ITGA7: variants seen among roughly 807,000 people sequenced by gnomAD.
ITGA7 encodes the protein integrin subunit alpha 7.
In ITGA7, 84 loss-of-function variants were observed where a neutral mutation model predicts 131.6. That is an observed-to-expected ratio of 0.64 (90% CI 0.54 to 0.77). The LOEUF is 0.77. Ranked by LOEUF, ITGA7 falls within the 30% of genes least tolerant of loss-of-function variation. ITGA7 has a pLI of 0.00. For missense variants in ITGA7, 1,399 were observed against 1,482.9 expected, an observed-to-expected ratio of 0.94 and a Z score of 0.93; for synonymous variants, 548 against 600.7, an observed-to-expected ratio of 0.91 and a Z score of 1.28.
rs555258244 is a variant in ITGA7, at chr12:55,701,333, G to A, written c.415-179C>T. The A allele has an allele frequency of 2.4e-5, 37 of 1,559,106 alleles. No homozygotes were observed. In the South Asian group the frequency reaches 4.0e-4, roughly 17 times the overall value. On this transcript the variant is annotated intron_variant, in intron 3 of 24. Coordinates refer to ENST00000257879, the MANE Select transcript of ITGA7 (RefSeq NM_002206.3). Reference sequence around the variant, plus strand: ...CCACTCAAGCACCATTACCCTGCCAGTGTTACACAGGTCCATGCATAACCC... The same window carrying A: ...CCACTCAAGCACCATTACCCTGCCAATGTTACACAGGTCCATGCATAACCC...
In ITGA7 at chr12:55,694,224, C is replaced by T; in HGVS notation, c.2432+32G>A. The T allele has an allele frequency of 6.2e-7, 1 of 1,613,620 alleles. No individual in the cohort carries two copies. The highest frequency in any genetic ancestry group is 8.5e-7 in the Non-Finnish European group (1 of 1,179,568). On this transcript the variant is annotated intron_variant, in intron 18 of 24. Transcript: ENST00000257879. The surrounding 1 kb of genome is among the most constrained non-coding windows in gnomAD (Gnocchi z 5.3). ...TTGGAAATGTCAATGCCCCCTCCCT[C>T]CAATGGAGGTGCCCCCTTGGGCCAG...
intron 20 of ITGA7, 21 bp downstream of exon 20, chr12:55,693,120 C>T: frequency 1.2e-6 from 2 of 1,612,988 alleles, no homozygotes; most frequent in Non-Finnish European, 1.7e-6. Flanking sequence ...CATCTAACCC[C>T]CACCCCCACC....
chr12:55,684,898 G>A lies in ITGA7; in HGVS notation c.*160C>T. 1 of 624,978 alleles carries A rather than the reference G, an allele frequency of 1.6e-6. No individual in the cohort carries two copies. The highest frequency in any genetic ancestry group is 2.8e-6 in the Non-Finnish European group (1 of 360,552). The allele number at this position is 624,978 out of a possible 1,614,324, so 38.7% of individuals were successfully genotyped here. A position where few individuals can be genotyped will look rare whatever the true frequency, so the allele number is the denominator to read the frequency against. ...AGCACTCTAAGGGGAAGTTGGGTGG[G>A]AGGAGTTCTTGTGGGTGGGAGAGGT... On this transcript the variant is annotated 3_prime_UTR_variant, in exon 25 of 25. Transcript: ENST00000257879.
In ITGA7 at chr12:55,693,175, C is replaced by T. The variant is rs1264251396; in HGVS notation, c.2678G>A (p.Gly893Glu). ...GATGTTGGGCCTGGGAGAGCAAAGC[C>T]CTTTCTGCCCAGGCCCCTGCCCGCC... The part of the protein sequence containing the change: ...LEGGQGPGQK[G>E]LCSPRPNILH... Residue 893 changes from glycine (G) to glutamate (E), a missense_variant, in exon 20 of 25, where the codon GGG (glycine) becomes GAG (glutamate). Gly to Glu is a moderately conservative substitution (Grantham distance 98, BLOSUM62 -2). Transcript: ENST00000257879. 2.5e-6 allele frequency: 4 copies of T among 1,614,038 alleles called. No individual in the cohort carries two copies. The highest frequency in any genetic ancestry group is 3.4e-6 in the Non-Finnish European group (4 of 1,180,010).
intron 1 of ITGA7, among the ~76,000 whole-genome samples, chr12:55,703,782 T>C (rs1272521483): frequency 1.3e-5 from 2 of 152,192 alleles, no homozygotes; most frequent in East Asian, 3.9e-4. Flanking sequence ...TCAGTCACTC[T>C]GGCTGGCATG....
intron 24 of ITGA7, chr12:55,686,398 T>C (rs1246489069): frequency 1.2e-6 from 1 of 801,770 alleles, no homozygotes; most frequent in East Asian, 6.4e-5. Context: ...CTCTGCTCTG[T>C]CTTCCTTCCA....
chr12:55,695,038 G>GCTC, intron 14 of ITGA7, 68 bp from the exon 15 acceptor site: 1 of 1,479,976 alleles, frequency 6.8e-7, no homozygotes, highest in East Asian at 2.4e-5. Flanking sequence ...CGCCCAGTCT[G>GCTC]CTCCCCCAGT....
chr12:55,687,860 T>C (rs1382550405), intron 24 of ITGA7, 111 bp downstream of exon 24: 8 of 1,407,670 alleles, frequency 5.7e-6, no homozygotes, highest in African/African-American at 1.4e-5. Context: ...AAGTGTTCAG[T>C]GCAGATTTGC....
intron 12 of ITGA7, among the ~76,000 whole-genome samples, 181 bp from the exon 13 acceptor site, chr12:55,696,613 C>T (rs537732221): frequency 2.7e-4 from 41 of 152,200 alleles, no homozygotes; most frequent in African/African-American, 9.6e-4. Flanking sequence ...CAGGGGAAAC[C>T]TTTAGGGCTT....
upstream of ITGA7, among the ~76,000 whole-genome samples, chr12:55,713,605 A>G (rs1448107945): frequency 2.0e-5 from 3 of 152,244 alleles, no homozygotes; most frequent in Admixed American, 6.5e-5. Context: ...TTAAATGAAT[A>G]CATACATGTA....
upstream of ITGA7, chr12:55,716,066 C>T: frequency 1.3e-6 from 2 of 1,563,726 alleles, no homozygotes; most frequent in Non-Finnish European, 1.7e-6. Flanking sequence ...CCCCGGGGAG[C>T]CGAGGTGAGC....
chr12:55,707,933 G>A, upstream of ITGA7: 1 of 1,370,196 alleles, frequency 7.3e-7, no homozygotes. Flanking sequence ...TCCCGGGGAC[G>A]CCACTCAGGC....
chr12:55,699,881 T>C lies in ITGA7; in HGVS notation c.779A>G (p.Asn260Ser). 4 of 1,608,442 alleles carry C rather than the reference T, an allele frequency of 2.5e-6. No homozygotes were observed. The highest frequency in any genetic ancestry group is 1.7e-4 in the Middle Eastern group (1 of 6,048). ...GGGAGCTTACAAACCTAAGTAGCTA[T>C]TGAGGGCCAAGTCTCCGGCTGGTCC... ...LPGPAGDLAL[N>S]SYLGFSIDSG... Residue 260 changes from asparagine (N) to serine (S), a missense_variant, in exon 5 of 25, where the codon AAT (asparagine) becomes AGT (serine). Coordinates refer to ENST00000257879, the MANE Select transcript of ITGA7 (RefSeq NM_002206.3).
chr12:55,686,433 G>A (rs982394636), intron 24 of ITGA7: 9 of 514,414 alleles, frequency 1.7e-5, no homozygotes, highest in Non-Finnish European at 2.9e-5. Flanking sequence ...AAGCATCCTG[G>A]GACCAGTTTC....
At chr12:55,685,470 G>A (rs1182058680) in intron 24 of ITGA7, among the ~76,000 whole-genome samples, 182 bp from the exon 25 acceptor site, 1 of 152,130 alleles carries the variant, frequency 6.6e-6, no homozygotes, top group African/African-American at 2.4e-5. Context: ...GTGTCCCCAG[G>A]TTCTCATTCA....
chr12:55,693,973 G>C, intron 19 of ITGA7, 48 bp downstream of exon 19: 1 of 1,449,900 alleles, frequency 6.9e-7, no homozygotes, highest in East Asian at 2.4e-5. Flanking sequence ...TCTCCTCTGT[G>C]CCAAGGAGGG....
At chr12:55,695,344 C>T in intron 14 of ITGA7, 178 bp downstream of exon 14, 1 of 622,620 alleles carries the variant, frequency 1.6e-6, no homozygotes, top group Non-Finnish European at 2.9e-6. Context: ...CATGGGAGCC[C>T]CCGTGGCCCC....
chr12:55,712,217 G>A (rs1876187217), upstream of ITGA7: 1 of 1,551,378 alleles, frequency 6.4e-7, no homozygotes, highest in Non-Finnish European at 8.7e-7. Context: ...CGATCCAAAA[G>A]AAACCCTTAA....
rs765672545 is a variant in ITGA7 at position 55,693,184 on chromosome 12, C to T, written c.2669G>A (p.Gly890Glu). 3.1e-6 allele frequency: 5 copies of T among 1,614,080 alleles called. No individual in the cohort carries two copies. The highest frequency in any genetic ancestry group is 4.2e-6 in the Non-Finnish European group (5 of 1,180,018). Residue 890 changes from glycine to glutamate, a missense_variant, in exon 20 of 25, where the codon GGG becomes GAG. Transcript: ENST00000257879. The part of the protein sequence containing the change: ...QVELEGGQGP[G>E]QKGLCSPRPN... ...CCTGGGAGAGCAAAGCCCTTTCTGC[C>T]CAGGCCCCTGCCCGCCCTCCAGCTC...
Sources: allele counts gnomAD v4.1 joint callset (sites outside exome capture counted in the v4.1 genomes callset), GRCh38; gene constraint gnomAD v4.1.1; non-coding constraint Gnocchi (gnomAD v3.1); transcripts MANE v1.5; gene names NCBI Gene and HGNC (gene_info 2026-07-23, HGNC 2026-07-21).